The following IL1R1 variants were observed in gnomAD, a reference collection of about 807,000 sequenced individuals.
IL1R1 encodes the protein interleukin 1 receptor type 1.
A neutral mutation model predicts 50.2 loss-of-function variants in IL1R1; 22 were observed. The observed-to-expected ratio is 0.44, with a 90% CI of 0.31 to 0.63. The LOEUF (loss-of-function observed/expected upper bound fraction) is 0.63. IL1R1 is among the 20% of genes least tolerant of loss of function. The pLI is 0.07. For synonymous variants in IL1R1, 251 were observed against 236.7 expected (o/e 1.06, Z -0.55); for missense variants, 509 against 676.2 (o/e 0.75, Z 2.74).
chr2:102,134,130 A>G (rs1207052574), intron 1 of IL1R1, among the ~76,000 whole-genome samples: 1 of 152,240 alleles, frequency 6.6e-6, no homozygotes, highest in Non-Finnish European at 1.5e-5. Flanking sequence ...TAGCCTTCAC[A>G]ATAGCATCCA....
At chr2:102,093,320 C>T (rs987107337) in intron 1 of IL1R1, among the ~76,000 whole-genome samples, 4 of 152,116 alleles carry the variant, frequency 2.6e-5, no homozygotes, top group Non-Finnish European at 4.4e-5. Context: ...AAGTCCTTTC[C>T]GGAAAACCCT....
chr2:102,070,650 T>A (rs753104034), intron 1 of IL1R1: 4 of 152,042 alleles, frequency 2.6e-5, no homozygotes, highest in Non-Finnish European at 5.9e-5. Flanking sequence ...TTCTAGGGTG[T>A]TTGAAGAGAT....
chr2:102,157,677 C>A, intron 2 of IL1R1, 42 bp from the exon 3 acceptor site: 1 of 1,311,626 alleles, frequency 7.6e-7, no homozygotes, highest in Non-Finnish European at 1.1e-6. Context: ...GGAAAAGTAA[C>A]ATTTTTGCTT....
chr2:102,140,694 G>A (rs1682595775), upstream of IL1R1, among the ~76,000 whole-genome samples: 1 of 152,170 alleles, frequency 6.6e-6, no homozygotes, highest in African/African-American at 2.4e-5. Context: ...TCCTACCCAG[G>A]GGATGGAGTG....
At chr2:102,108,626 A>G (rs953984404) in intron 1 of IL1R1, among the ~76,000 whole-genome samples, 4 of 151,822 alleles carry the variant, frequency 2.6e-5, no homozygotes, top group African/African-American at 9.7e-5. Flanking sequence ...CCAAAAAGGC[A>G]CCCCAGAAGA....
chr2:102,074,427 T>TCCGC, intron 1 of IL1R1, among the ~76,000 whole-genome samples: 3 of 152,190 alleles, frequency 2.0e-5, no homozygotes, highest in South Asian at 2.1e-4. Context: ...TCTGGGCCTC[T>TCCGC]CCATATGGTC....
At chr2:102,167,869 T>C (rs1337012450) in intron 6 of IL1R1, among the ~76,000 whole-genome samples, 2 of 152,210 alleles carry the variant, frequency 1.3e-5, no homozygotes, top group African/African-American at 4.8e-5. Context: ...CAATGATGCC[T>C]AGCACTTTTT....
chr2:102,091,210 G>T (rs1053661811), intron 1 of IL1R1, among the ~76,000 whole-genome samples: 1 of 152,168 alleles, frequency 6.6e-6, no homozygotes, highest in Non-Finnish European at 1.5e-5. Context: ...TGGAAAACAG[G>T]TTATGTGCTT....
At chr2:102,168,517 GTA>G in intron 6 of IL1R1, 79 bp from the exon 7 acceptor site, 1 of 1,062,460 alleles carries the variant, frequency 9.4e-7, no homozygotes, top group Non-Finnish European at 1.5e-6. Context: ...AAGTCATTTA[GTA>G]TGTTTTGCTA....
At chr2:102,092,608 C>T (rs1408927507) in intron 1 of IL1R1, among the ~76,000 whole-genome samples, 2 of 152,102 alleles carry the variant, frequency 1.3e-5, no homozygotes, top group Non-Finnish European at 1.5e-5. Context: ...AACACTCGGG[C>T]CTGTTCTAAA....
intron 1 of IL1R1, among the ~76,000 whole-genome samples, chr2:102,148,174 C>T (rs1232351082): frequency 6.6e-6 from 1 of 152,182 alleles, no homozygotes; most frequent in Admixed American, 6.5e-5. Context: ...TGACTAATCT[C>T]CACGAGATGG....
Position 102,114,144 on chromosome 2 carries a change from C to A in IL1R1, c.-84+9272C>A, listed in dbSNP as rs543894184. On this transcript the variant is annotated intron_variant, in intron 1 of 10. Coordinates refer to the IL1R1 transcript ENST00000409329. ...CTTCTAAGAGTTATCCAAATTGGTG[C>A]ATGGTACCCATAAACTAGTTTTTAA... 2.0e-5 allele frequency among the ~76,000 whole-genome samples: 3 copies of A among 152,276 alleles called. No homozygotes were observed. In the East Asian group the frequency reaches 5.8e-4, roughly 29 times the overall value.
At chr2:102,095,561 A>C (rs962231900) in intron 1 of IL1R1, among the ~76,000 whole-genome samples, 7 of 152,380 alleles carry the variant, frequency 4.6e-5, no homozygotes, top group South Asian at 2.1e-4. Flanking sequence ...TTTGAGAAAT[A>C]GAACATAATT....
At chr2:102,137,133 G>T (rs1463543828) in intron 1 of IL1R1, among the ~76,000 whole-genome samples, 1 of 152,178 alleles carries the variant, frequency 6.6e-6, no homozygotes, top group Non-Finnish European at 1.5e-5. Flanking sequence ...ATTGCTCAGA[G>T]GTGATGCTGG....
chr2:102,094,036 C>A (rs9973720), intron 1 of IL1R1, among the ~76,000 whole-genome samples: 5 of 152,188 alleles, frequency 3.3e-5, no homozygotes, highest in Non-Finnish European at 4.4e-5. Flanking sequence ...AACCAACCAA[C>A]CAACCACACA....
chr2:102,149,874 A>G (rs893103675), intron 1 of IL1R1, among the ~76,000 whole-genome samples: 1 of 152,168 alleles, frequency 6.6e-6, no homozygotes, highest in Non-Finnish European at 1.5e-5. Flanking sequence ...TGCAGGTCTC[A>G]TGGTGAGGAC....
At chr2:102,092,209 T>C (rs1340827922) in intron 1 of IL1R1, among the ~76,000 whole-genome samples, 1 of 152,098 alleles carries the variant, frequency 6.6e-6, no homozygotes, top group Admixed American at 6.5e-5. Flanking sequence ...AGAGGTCCTC[T>C]GTGTGGGTCA....
chr2:102,168,521 G>A (rs1685394158), intron 6 of IL1R1, 77 bp from the exon 7 acceptor site: 1 of 1,118,072 alleles, frequency 8.9e-7, no homozygotes, highest in Non-Finnish European at 1.4e-6. Flanking sequence ...CATTTAGTAT[G>A]TTTTGCTAAG....
intron 1 of IL1R1, among the ~76,000 whole-genome samples, chr2:102,093,434 A>T (rs1462842740): frequency 6.6e-6 from 1 of 152,216 alleles, no homozygotes; most frequent in African/African-American, 2.4e-5. Context: ...TTCCCAAAGC[A>T]GCTGTACCAT....
Sources: allele counts gnomAD v4.1 joint callset (sites outside exome capture counted in the v4.1 genomes callset), GRCh38; gene constraint gnomAD v4.1.1; transcripts MANE v1.5; gene names NCBI Gene and HGNC (gene_info 2026-07-23, HGNC 2026-07-21).